HEXD: variants seen among roughly 807,000 people sequenced by gnomAD.
HEXD encodes the protein N-acetyl-beta-galactosaminidase.
Under a neutral mutation model 54.2 loss-of-function variants are expected in HEXD, and 47 were observed. That is an observed-to-expected ratio of 0.87 (90% CI 0.69 to 1.11). The LOEUF (loss-of-function observed/expected upper bound fraction) is 1.11. HEXD is among the 50% of genes least tolerant of loss of function. The pLI is 0.00. For missense variants in HEXD, 576 were observed against 649.2 expected, an observed-to-expected ratio of 0.89 and a Z score of 1.23; for synonymous variants, 293 against 287.6, an observed-to-expected ratio of 1.02 and a Z score of -0.19.
Position 82,435,944 on chromosome 17 carries a change from G to C in HEXD, c.631+72G>C, listed in dbSNP as rs112738867. The C allele has an allele frequency of 2.7e-3, 3,988 of 1,488,572 alleles. 99 individuals carry two copies. In the African/African-American group the frequency reaches 0.048, roughly 18 times the overall value. 92.2% of individuals were successfully genotyped at this position (1,488,572 alleles called of 1,614,324 possible). A position where few individuals can be genotyped will look rare whatever the true frequency, so the allele number is the denominator to read the frequency against. The stretch of plus-strand genomic sequence containing the variant: ...AGACCTGCGGCTTCAAAGAAAGAAG[G>C]TGCTGTAGGAAGTGGGCCCCAGGGT... On this transcript the variant is annotated intron_variant, in intron 6 of 12. Transcript: ENST00000327949.
intron 4 of HEXD, among the ~76,000 whole-genome samples, chr17:82,433,111 TATATATATATATATATA>T (rs1250349348): frequency 4.5e-4 from 6 of 13,320 alleles, no homozygotes; most frequent in African/African-American, 4.1e-3. Flanking sequence ...TATATATATA[TATATATATATATATATA>T]TTTTTTTTTT....
Position 82,418,630 on chromosome 17 carries a change from G to C in HEXD, c.-162G>C. The C allele has an allele frequency of 3.4e-6, 1 of 296,032 alleles. No homozygotes were observed. Among genetic ancestry groups the C allele is most frequent in the Non-Finnish European group, 5.8e-6 (1 of 173,906 alleles). 18.3% of individuals were successfully genotyped at this position (296,032 alleles called of 1,614,324 possible). A position where few individuals can be genotyped will look rare whatever the true frequency, so the allele number is the denominator to read the frequency against. On this transcript the variant is annotated 5_prime_UTR_variant, in exon 1 of 13. Transcript: ENST00000327949. ...GGCCCCTGGGCTGGCGGCCAGGCCC[G>C]AGCAATCGGCGGCCGAGCGGGGCGG...
intron 4 of HEXD, among the ~76,000 whole-genome samples, chr17:82,430,896 T>C (rs1281080660): frequency 6.6e-6 from 1 of 152,152 alleles, no homozygotes; most frequent in African/African-American, 2.4e-5. Flanking sequence ...ACAAAGATTT[T>C]TCTTGTATTT....
Position 82,442,626 on chromosome 17 carries a change from A to G in HEXD, c.*242A>G. The G allele has an allele frequency of 6.5e-7, 1 of 1,534,634 alleles. No homozygotes were observed. The highest frequency in any genetic ancestry group is 1.9e-5 in the Admixed American group (1 of 52,070). On this transcript the variant is annotated 3_prime_UTR_variant, in exon 13 of 13. Coordinates refer to ENST00000327949, the MANE Select transcript of HEXD (RefSeq NM_001330542.2). This position sits in a 1 kb window ranked among gnomAD's most constrained non-coding sequence, Gnocchi z 6.8. ...TGTGACACTGATTCTTTGGAAATAAAGAGTGGAAGCTGCAGGTGACACGTG... is the reference window on the plus strand; with the variant it reads ...TGTGACACTGATTCTTTGGAAATAAGGAGTGGAAGCTGCAGGTGACACGTG...
At chr17:82,432,192 C>T (rs745970726) in intron 4 of HEXD, among the ~76,000 whole-genome samples, 10 of 152,188 alleles carry the variant, frequency 6.6e-5, no homozygotes, top group East Asian at 3.9e-4. Context: ...TCCCTAGGTT[C>T]GCGCAGTTCC....
At chr17:82,433,111 TA>T (rs2053643268) in intron 4 of HEXD, among the ~76,000 whole-genome samples, 1 of 13,308 alleles carries the variant, frequency 7.5e-5, no homozygotes, top group African/African-American at 8.3e-4. Context: ...TATATATATA[TA>T]TATATATATA....
chr17:82,433,141 TTTTA>T (rs1402628397), intron 4 of HEXD, among the ~76,000 whole-genome samples: 12 of 40,098 alleles, frequency 3.0e-4, no homozygotes, highest in African/African-American at 8.5e-4. Flanking sequence ...TTTTTTTTTT[TTTTA>T]TATATATATT....
chr17:82,426,613 C>T (rs1467972207), intron 3 of HEXD: 1 of 152,128 alleles, frequency 6.6e-6, no homozygotes, highest in Non-Finnish European at 1.5e-5. Flanking sequence ...AATGTTAAAC[C>T]CTCATAGTAC....
chr17:82,423,870 G>T (rs572245962), intron 2 of HEXD, among the ~76,000 whole-genome samples: 18 of 151,698 alleles, frequency 1.2e-4, no homozygotes, highest in Non-Finnish European at 2.4e-4. Flanking sequence ...AAGGGGGAAG[G>T]GACCCCATGA....
intron 9 of HEXD, chr17:82,440,380 C>A: frequency 9.0e-7 from 1 of 1,110,528 alleles, no homozygotes; most frequent in Non-Finnish European, 1.2e-6. Flanking sequence ...CAGTTGCTGA[C>A]TCTCAACTGC....
chr17:82,419,671 C>A, intron 1 of HEXD, 78 bp from the exon 2 acceptor site: 1 of 565,936 alleles, frequency 1.8e-6, no homozygotes, highest in Non-Finnish European at 3.2e-6. Context: ...AGTATCAGAA[C>A]TGAAACTGAA....
Position 82,433,787 on chromosome 17 carries a change from C to G in HEXD, c.412C>G (p.Pro138Ala). Residue 138 changes from proline to alanine, a missense_variant, in exon 5 of 13, where the codon CCA becomes GCA. Coordinates refer to ENST00000327949, the MANE Select transcript of HEXD (RefSeq NM_001330542.2). ...AMIDQVLELH[P>A]GAQRLHIGCD... ...GATTGACCAGGTCCTGGAGCTACACCCAGGCGCCCAGCGGCTGCACATCGG... is the reference window on the plus strand; with the variant it reads ...GATTGACCAGGTCCTGGAGCTACACGCAGGCGCCCAGCGGCTGCACATCGG... The G allele has an allele frequency of 6.2e-7, 1 of 1,612,962 alleles. No homozygotes were observed. Among genetic ancestry groups the G allele is most frequent in the Non-Finnish European group, 8.5e-7 (1 of 1,179,708 alleles).
Position 82,434,330 on chromosome 17 carries a change from TTGCCCCTCC to T in HEXD, c.447+513_447+521del, listed in dbSNP as rs1369820695. On this transcript the variant is annotated intron_variant, in intron 5 of 12. Coordinates refer to ENST00000327949, the MANE Select transcript of HEXD (RefSeq NM_001330542.2). The surrounding 1 kb of genome is among the most constrained non-coding windows in gnomAD (Gnocchi z 4.5). ...CCTCCAACCCAGTGAGCCCCCACCC[TTGCCCCTCC>T]TGCCACTCACTGGACTCCAACTCAG... Among the ~76,000 whole-genome samples the T allele has an allele frequency of 6.6e-6, 1 of 152,132 alleles. No homozygotes were observed. Among genetic ancestry groups the T allele is most frequent in the Non-Finnish European group, 1.5e-5 (1 of 68,016 alleles).
Position 82,418,478 on chromosome 17 carries a change from G to T in HEXD, c.-314G>T. 1 of 1,462,334 alleles carries T rather than the reference G, an allele frequency of 6.8e-7. No homozygotes were observed. The highest frequency in any genetic ancestry group is 9.0e-7 in the Non-Finnish European group (1 of 1,111,944). The allele number at this position is 1,462,334 out of a possible 1,614,324, so 90.6% of individuals were successfully genotyped here. On this transcript the variant is annotated 5_prime_UTR_variant, in exon 1 of 13. In the 5' UTR this introduces an upstream ATG that the reference lacks. Transcript: ENST00000327949. Reference sequence around the variant, plus strand: ...CGCCTTGGTTGCGGCCCTCCGCTGAGGAGCCATCGGACCAGGCCGCCGCGG... The same window carrying T: ...CGCCTTGGTTGCGGCCCTCCGCTGATGAGCCATCGGACCAGGCCGCCGCGG...
intron 4 of HEXD, among the ~76,000 whole-genome samples, chr17:82,430,017 G>A (rs1195209649): frequency 6.6e-6 from 1 of 151,966 alleles, no homozygotes; most frequent in Non-Finnish European, 1.5e-5. Context: ...ACCACCACCC[G>A]CCACGCCCTG....
At chr17:82,439,167 A>T (rs558563543) in intron 8 of HEXD, among the ~76,000 whole-genome samples, 2 of 152,130 alleles carry the variant, frequency 1.3e-5, no homozygotes, top group Non-Finnish European at 2.9e-5. Flanking sequence ...CGCCCTCCTC[A>T]TGGGGCCTTG....
intron 7 of HEXD, 42 bp downstream of exon 7, chr17:82,436,780 GC>G: frequency 6.4e-7 from 1 of 1,556,304 alleles, no homozygotes; most frequent in Non-Finnish European, 8.8e-7. Flanking sequence ...CTGGCCATGT[GC>G]CTGGGAAGGC....
At chr17:82,441,101 C>T (rs902597639) in intron 10 of HEXD, 26 bp downstream of exon 10, 4 of 1,613,634 alleles carry the variant, frequency 2.5e-6, no homozygotes, top group East Asian at 2.2e-5. Context: ...CCCTCCCTGT[C>T]CCCTTCTTCC....
intron 3 of HEXD, 100 bp from the exon 4 acceptor site, chr17:82,428,458 G>T: frequency 1.0e-6 from 1 of 954,894 alleles, no homozygotes; most frequent in Non-Finnish European, 1.7e-6. Flanking sequence ...ACTGTTTCCC[G>T]GAGAGCCCCC....
Sources: allele counts gnomAD v4.1 joint callset (sites outside exome capture counted in the v4.1 genomes callset), GRCh38; gene constraint gnomAD v4.1.1; non-coding constraint Gnocchi (gnomAD v3.1); transcripts MANE v1.5; gene names NCBI Gene and HGNC (gene_info 2026-07-23, HGNC 2026-07-21).